Variants in DSCAML1 observed in about 807,000 individuals in gnomAD.
DSCAML1 encodes the protein DS cell adhesion molecule like 1, also known as cell adhesion molecule DSCAML1.
In DSCAML1, 38 loss-of-function variants were observed where a neutral mutation model predicts 200.5. The ratio of observed to expected loss-of-function variants is 0.19; its 90% CI spans 0.15 to 0.25. DSCAML1 has a LOEUF of 0.25. Ranked by LOEUF, DSCAML1 falls within the 10% of genes least tolerant of loss-of-function variation. DSCAML1 has a pLI of 1.00. For missense variants in DSCAML1, 2,223 were observed against 2,858.8 expected (o/e 0.78, Z 5.07); for synonymous variants, 1,215 against 1,165.0 (o/e 1.04, Z -0.87).
At chr11:117,565,254 G>T (rs1047822189) in intron 3 of DSCAML1, among the ~76,000 whole-genome samples, 3 of 152,098 alleles carry the variant, frequency 2.0e-5, no homozygotes, top group Non-Finnish European at 4.4e-5. Context: ...CATAAAATTT[G>T]TAAAGATCAG....
chr11:117,679,154 C>T (rs959868912), intron 3 of DSCAML1, among the ~76,000 whole-genome samples: 7 of 152,202 alleles, frequency 4.6e-5, no homozygotes, highest in African/African-American at 1.4e-4. Context: ...CACTGTGGGA[C>T]GATGCGTGTT....
intron 3 of DSCAML1, among the ~76,000 whole-genome samples, chr11:117,622,483 G>A (rs1420256415): frequency 2.0e-5 from 3 of 152,112 alleles, no homozygotes; most frequent in Non-Finnish European, 4.4e-5. Flanking sequence ...TGCAGATCCT[G>A]CACATGGGCC....
intron 3 of DSCAML1, among the ~76,000 whole-genome samples, chr11:117,745,375 C>A (rs948299655): frequency 2.6e-5 from 4 of 152,072 alleles, no homozygotes; most frequent in African/African-American, 4.8e-5. Context: ...GGCAGGCTAC[C>A]GAGGGAGCTG....
intron 3 of DSCAML1, among the ~76,000 whole-genome samples, chr11:117,715,092 C>T (rs1027748116): frequency 1.2e-4 from 17 of 141,900 alleles, no homozygotes; most frequent in East Asian, 8.4e-4. Context: ...TATACAATTT[C>T]GTCAGTTAAA....
At position 117,609,494 on chromosome 11, in the gene DSCAML1, A is replaced by G. The variant is rs189804763; in HGVS notation, c.512-76972T>C. ...GGCTAATTAAAAAAACATTGTAGAG[A>G]CCAGGTCTCCCTGTGTTGCCCAGGC... On this transcript the variant is annotated intron_variant, in intron 3 of 32. Coordinates refer to ENST00000651296, the MANE Select transcript of DSCAML1 (RefSeq NM_020693.4). Among the ~76,000 whole-genome samples, 437 of 151,840 alleles carry G rather than the reference A, an allele frequency of 2.9e-3. 2 individuals are homozygous for G. Among genetic ancestry groups the G allele is most frequent in the African/African-American group, 0.01 (424 of 41,388 alleles).
At chr11:117,566,052 C>T (rs940294716) in intron 3 of DSCAML1, among the ~76,000 whole-genome samples, 6 of 152,214 alleles carry the variant, frequency 3.9e-5, no homozygotes, top group African/African-American at 1.4e-4. Context: ...CATTTGTAAG[C>T]ACTGGCCATG....
chr11:117,465,563 C>T (rs921121896), intron 16 of DSCAML1, among the ~76,000 whole-genome samples: 6 of 152,274 alleles, frequency 3.9e-5, no homozygotes, highest in South Asian at 2.1e-4. Context: ...TTTTTCTTCC[C>T]GGTTTATTTT....
rs199942618 is a variant in DSCAML1, at chr11:117,469,976, G to A, written c.2958C>T (p.Pro986=). The A allele has an allele frequency of 6.1e-5, 98 of 1,604,042 alleles. No homozygotes were observed. The highest frequency in any genetic ancestry group is 2.3e-4 in the Admixed American group (14 of 59,742). The part of the protein sequence containing the change: ...ELTISTEEAA[P]DGPPMDVTLQ... ...AGGTAACATCCATGGGGGGCCCATC[G>A]GGAGCTGAGCAGGGTAGCGGGGAGG... Residue 986 remains proline, a synonymous_variant, in exon 16 of 33, where the codon CCC becomes CCT. Transcript: ENST00000651296. This position sits in a 1 kb window ranked among gnomAD's most constrained non-coding sequence, Gnocchi z 4.1.
intron 11 of DSCAML1, among the ~76,000 whole-genome samples, chr11:117,494,735 C>A (rs2049257557): frequency 2.6e-5 from 4 of 152,122 alleles, no homozygotes. Context: ...AGCCCTTAAT[C>A]CAATAGGACT....
chr11:117,742,437 A>G (rs1408864262), intron 3 of DSCAML1, among the ~76,000 whole-genome samples: 1 of 152,190 alleles, frequency 6.6e-6, no homozygotes, highest in African/African-American at 2.4e-5. Context: ...GCCCCACCCC[A>G]TGGCTGGCTG....
chr11:117,533,457 C>T (rs2050116404), intron 3 of DSCAML1, among the ~76,000 whole-genome samples: 1 of 152,108 alleles, frequency 6.6e-6, no homozygotes, highest in Admixed American at 6.5e-5. Context: ...TTTATTCACT[C>T]AACAAATGAT....
At chr11:117,442,518 G>A (rs903105887) in intron 21 of DSCAML1, among the ~76,000 whole-genome samples, 7 of 152,068 alleles carry the variant, frequency 4.6e-5, no homozygotes, top group African/African-American at 1.5e-4. Flanking sequence ...GTGTGTGTGC[G>A]TGTGTGTGTA....
At chr11:117,562,253 G>A (rs1383608300) in intron 3 of DSCAML1, among the ~76,000 whole-genome samples, 1 of 152,146 alleles carries the variant, frequency 6.6e-6, no homozygotes, top group Non-Finnish European at 1.5e-5. Flanking sequence ...ACGCACTGTG[G>A]GTCCCAAGGG....
At chr11:117,781,908 T>C (rs978215061) in intron 1 of DSCAML1, among the ~76,000 whole-genome samples, 21 of 152,220 alleles carry the variant, frequency 1.4e-4, no homozygotes, top group Admixed American at 6.5e-5. Context: ...TATTTCCTGC[T>C]CTTATCCCAG....
At chr11:117,620,559 C>T (rs1046728946) in intron 3 of DSCAML1, among the ~76,000 whole-genome samples, 2 of 152,202 alleles carry the variant, frequency 1.3e-5, no homozygotes, top group African/African-American at 2.4e-5. Context: ...GTTTGCCACC[C>T]GTTTGGACTG....
At chr11:117,700,408 C>T (rs2053646807) in intron 3 of DSCAML1, among the ~76,000 whole-genome samples, 1 of 152,158 alleles carries the variant, frequency 6.6e-6, no homozygotes, top group Non-Finnish European at 1.5e-5. Flanking sequence ...GCCAAGAAAG[C>T]CCTTTCACCC....
chr11:117,774,091 T>C (rs2055086906), intron 3 of DSCAML1, among the ~76,000 whole-genome samples: 1 of 152,164 alleles, frequency 6.6e-6, no homozygotes, highest in Non-Finnish European at 1.5e-5. Context: ...ACCTTCCTTC[T>C]CTCCTATCTG....
intron 14 of DSCAML1, among the ~76,000 whole-genome samples, chr11:117,473,983 A>G (rs2048738351): frequency 6.6e-6 from 1 of 151,982 alleles, no homozygotes; most frequent in South Asian, 2.1e-4. Context: ...TGATGTGCCC[A>G]TGTTTATAGG....
intron 14 of DSCAML1, among the ~76,000 whole-genome samples, chr11:117,473,859 CTGCTG>C (rs530854771): frequency 1.7e-3 from 259 of 152,302 alleles, no homozygotes; most frequent in African/African-American, 5.7e-3. Flanking sequence ...AGGCTCCTAC[CTGCTG>C]TGGGCACTTG....
Sources: gnomAD v4.1 joint callset for allele counts (sites outside exome capture counted in the v4.1 genomes callset) on GRCh38, gnomAD v4.1.1 for gene constraint, Gnocchi (gnomAD v3.1) non-coding constraint, MANE v1.5 for transcripts, NCBI Gene and HGNC (gene_info 2026-07-23, HGNC 2026-07-21) for gene names.